The following FRMD3 variants were observed in gnomAD, a reference collection of about 807,000 sequenced individuals.
FRMD3 encodes the protein FERM domain-containing protein 3.
FRMD3 carries 33 observed loss-of-function variants against 70.2 expected under a neutral mutation model. The observed-to-expected ratio is 0.47, with a 90% confidence interval of 0.36 to 0.63. FRMD3 has a LOEUF of 0.63. FRMD3 is among the 20% of genes least tolerant of loss of function. The probability of loss-of-function intolerance (pLI) is 0.00; values close to 1 mark genes in which losing one functional copy is unlikely to be tolerated. For synonymous variants in FRMD3, 279 were observed against 255.9 expected, an observed-to-expected ratio of 1.09 and a Z score of -0.86; for missense variants, 632 against 711.4, an observed-to-expected ratio of 0.89 and a Z score of 1.27.
chr9:83,554,067 G>A, the FRMD3 span, among the ~76,000 whole-genome samples: 14 of 152,188 alleles, frequency 9.2e-5, no homozygotes, highest in South Asian at 4.1e-4. Flanking sequence ...AAGGTTTTGC[G>A]TAGTGGCTTT....
At chr9:83,339,186 T>C (rs1019499332) in intron 5 of FRMD3, among the ~76,000 whole-genome samples, 1 of 152,242 alleles carries the variant, frequency 6.6e-6, no homozygotes, top group Non-Finnish European at 1.5e-5. Flanking sequence ...GAAGAAATGC[T>C]GTGAAGACTG....
chr9:83,338,124 A>G (rs1222555566), intron 5 of FRMD3, among the ~76,000 whole-genome samples: 2 of 152,230 alleles, frequency 1.3e-5, no homozygotes, highest in African/African-American at 4.8e-5. Flanking sequence ...CAATTCAAAG[A>G]AGGGGAAACC....
At chr9:83,542,647 A>G (rs1325935641), upstream of FRMD3, among the ~76,000 whole-genome samples, 1 of 152,242 alleles carries the variant, frequency 6.6e-6, no homozygotes, top group Non-Finnish European at 1.5e-5. Context: ...AGTAGCTAAC[A>G]CAATACTGAA....
chr9:83,259,862 T>C (rs1030560311), intron 13 of FRMD3, among the ~76,000 whole-genome samples: 14 of 152,104 alleles, frequency 9.2e-5, no homozygotes, highest in Non-Finnish European at 1.8e-4. Flanking sequence ...TGCTGTACTC[T>C]TGAATTCAGG....
chr9:83,408,949 A>G (rs967103795), intron 1 of FRMD3, among the ~76,000 whole-genome samples: 3 of 152,146 alleles, frequency 2.0e-5, no homozygotes, highest in African/African-American at 7.2e-5. Context: ...GAGAGCAGCA[A>G]CCCTGCCAGA....
At chr9:83,393,930 G>GTTTT (rs11427636) in intron 1 of FRMD3, among the ~76,000 whole-genome samples, 9 of 136,528 alleles carry the variant, frequency 6.6e-5, no homozygotes, top group African/African-American at 2.5e-4. Flanking sequence ...TTTTGATTTT[G>GTTTT]TTTTTTTTTG....
intron 1 of FRMD3, among the ~76,000 whole-genome samples, chr9:83,491,085 T>C (rs1828813719): frequency 1.3e-5 from 2 of 152,194 alleles, no homozygotes; most frequent in African/African-American, 4.8e-5. Context: ...TTGTGGTTAA[T>C]GAGTTTATTT....
At chr9:83,496,377 T>C (rs1372194087) in intron 1 of FRMD3, among the ~76,000 whole-genome samples, 1 of 152,210 alleles carries the variant, frequency 6.6e-6, no homozygotes, top group Non-Finnish European at 1.5e-5. Context: ...TGTTTCATCA[T>C]TAACCTGCAT....
intron 2 of FRMD3, among the ~76,000 whole-genome samples, chr9:83,382,836 A>G (rs1413738061): frequency 2.0e-5 from 3 of 152,006 alleles, no homozygotes; most frequent in African/African-American, 7.3e-5. Context: ...CCAAATCCCC[A>G]TCTGTGGCCC....
At chr9:83,568,595 C>T in the FRMD3 span, among the ~76,000 whole-genome samples, 1 of 151,978 alleles carries the variant, frequency 6.6e-6, no homozygotes. Flanking sequence ...AGAAGGTGAA[C>T]TCAAAGAATT....
At chr9:83,549,508 C>G in the FRMD3 span, among the ~76,000 whole-genome samples, 6 of 152,044 alleles carry the variant, frequency 3.9e-5, no homozygotes, top group Non-Finnish European at 5.9e-5. Context: ...GCTTTTAGCT[C>G]TTTGAGGGAT....
intron 1 of FRMD3, among the ~76,000 whole-genome samples, chr9:83,426,379 A>C (rs889199577): frequency 6.6e-6 from 1 of 152,258 alleles, no homozygotes; most frequent in Non-Finnish European, 1.5e-5. Flanking sequence ...ACCGAGGCAC[A>C]ATTCCTGTTC....
At chr9:83,284,061 A>ATTTTTTTTTTTTTTTTTTTT (rs71365307) in intron 13 of FRMD3, among the ~76,000 whole-genome samples, 9 of 101,710 alleles carry the variant, frequency 8.8e-5, no homozygotes, top group African/African-American at 1.5e-4. Context: ...CTAGGATGTT[A>ATTTTTTTTTTTTTTTTTTTT]TTTTTTTTTT....
At chr9:83,278,358 C>T (rs927972749) in intron 13 of FRMD3, among the ~76,000 whole-genome samples, 1 of 152,048 alleles carries the variant, frequency 6.6e-6, no homozygotes, top group Non-Finnish European at 1.5e-5. Context: ...AATCCCCTGG[C>T]TACTGTATGG....
intron 13 of FRMD3, among the ~76,000 whole-genome samples, chr9:83,275,508 G>C (rs903102413): frequency 3.9e-5 from 6 of 152,166 alleles, no homozygotes; most frequent in African/African-American, 1.4e-4. Context: ...TCCCCGACCT[G>C]CAGATGGGAC....
chr9:83,527,118 C>T (rs17086428), intron 1 of FRMD3, among the ~76,000 whole-genome samples: 7,849 of 152,024 alleles, frequency 0.052, 297 homozygotes, highest in East Asian at 0.2. Flanking sequence ...TTGTTTGTGC[C>T]GAGATATTGC....
intron 13 of FRMD3, among the ~76,000 whole-genome samples, chr9:83,261,102 G>GAC (rs59345002): frequency 0.021 from 2,754 of 133,122 alleles, 104 homozygotes; most frequent in African/African-American, 0.066. Context: ...AGGAAACTTA[G>GAC]ACACACACAC....
the FRMD3 span, among the ~76,000 whole-genome samples, chr9:83,581,230 A>C: frequency 6.6e-6 from 1 of 152,228 alleles, no homozygotes; most frequent in Non-Finnish European, 1.5e-5. Flanking sequence ...CACCCCGTTA[A>C]GGAAATTGTA....
In FRMD3 at chr9:83,538,029, GC is replaced by G. The variant is rs957725202; in HGVS notation, c.147+55del. 6.6e-5 allele frequency: 104 copies of G among 1,587,614 alleles called. No homozygotes were observed. The African/African-American group carries it at 8.2e-4, about 12-fold the overall frequency. ...TTGTTCTCGCATGCCCACCGCAAAG[GC>G]CCCCCGCCCTGCTCCCGGCGTGTGC... On this transcript the variant is annotated intron_variant, in intron 1 of 13. Transcript: ENST00000304195. The surrounding 1 kb of genome is among the most constrained non-coding windows in gnomAD (Gnocchi z 4.7).
Sources: allele counts gnomAD v4.1 joint callset (sites outside exome capture counted in the v4.1 genomes callset), GRCh38; gene constraint gnomAD v4.1.1; non-coding constraint Gnocchi (gnomAD v3.1); transcripts MANE v1.5; gene names NCBI Gene and HGNC (gene_info 2026-07-23, HGNC 2026-07-21).